Variants in MYL6 observed in about 807,000 individuals in gnomAD.
MYL6 encodes myosin light polypeptide 6.
MYL6 carries 20 observed loss-of-function variants against 20.3 expected under a neutral mutation model. The ratio of observed to expected loss-of-function variants is 0.98; its 90% CI spans 0.69 to 1.43. MYL6 has a LOEUF of 1.43. Among genes scored for constraint, MYL6 ranks in the 40% most tolerant of loss-of-function variants. The pLI, the probability that MYL6 is intolerant of heterozygous loss-of-function variation, is 0.00. For synonymous variants in MYL6, 77 were observed against 72.4 expected, an observed-to-expected ratio of 1.06 and a Z score of -0.32; for missense variants, 164 against 191.0, an observed-to-expected ratio of 0.86 and a Z score of 0.83.
chr12:56,159,341 C>T (rs1592260155), intron 2 of MYL6: 3 of 475,316 alleles, frequency 6.3e-6, no homozygotes, highest in Non-Finnish European at 1.1e-5. Context: ...GATTGGCAGG[C>T]CTGCCGCAGG....
rs147680006 is a variant in MYL6 at position 56,160,629 on chromosome 12, T to G, written c.431T>G (p.Phe144Cys). 36 of 1,614,214 alleles carry G rather than the reference T, an allele frequency of 2.2e-5. No homozygotes were observed. In the South Asian group the frequency reaches 3.2e-4, roughly 14 times the overall value. ...GAATGTCTCTTCCTTCCTGCAGCGT[T>G]TGTGAGGCATATCCTGTCGGGGTGA... ...DSNGCINYEA[F>C]VRHILSG Residue 144 changes from phenylalanine to cysteine, a missense_variant, in exon 6 of 7, where the codon TTT becomes TGT. Phe to Cys is a radical substitution (Grantham distance 205, BLOSUM62 -2). Transcript: ENST00000550697.
At chr12:56,160,850 C>T in intron 6 of MYL6, 180 bp downstream of exon 6, 1 of 665,858 alleles carries the variant, frequency 1.5e-6, no homozygotes, top group Non-Finnish European at 2.6e-6. Context: ...CCTGGGGGTA[C>T]AGTACCTCCT....
Position 56,159,664 on chromosome 12 carries a change from A to G in MYL6, c.109A>G (p.Arg37Gly). The G allele has an allele frequency of 6.2e-7, 1 of 1,614,182 alleles. No individual in the cohort carries two copies. The highest frequency in any genetic ancestry group is 8.5e-7 in the Non-Finnish European group (1 of 1,180,018). Residue 37 changes from arginine (R) to glycine (G), a missense_variant, in exon 3 of 7, where the codon AGG becomes GGG. Transcript: ENST00000550697. The stretch of plus-strand genomic sequence containing the variant: ...GTACAGCCAGTGTGGGGATGTGATG[A>G]GGGCCCTGGGCCAGAACCCTACCAA... ...ILYSQCGDVM[R>G]ALGQNPTNAE... is the part of the protein sequence containing the mutation.
intron 6 of MYL6, chr12:56,161,116 C>A (rs928660296): frequency 3.4e-5 from 20 of 593,764 alleles, no homozygotes; most frequent in Middle Eastern, 4.5e-4. Flanking sequence ...CAGTGGCTGA[C>A]AGTAGCTGTA....
intron 1 of MYL6, 121 bp from the exon 2 acceptor site, chr12:56,158,563 A>C: frequency 3.1e-6 from 5 of 1,613,668 alleles, no homozygotes; most frequent in Non-Finnish European, 4.2e-6. Context: ...CGGGGAAGCG[A>C]GTCTGCAGCC....
chr12:56,160,312 A>G lies in MYL6; in HGVS notation c.419A>G (p.Asn140Ser). Reference protein sequence around the residue: ...AGHEDSNGCINYEAFVRHILS... With the variant: ...AGHEDSNGCISYEAFVRHILS... ...CATGAGGACAGCAATGGTTGTATCA[A>G]CTATGAAGGTAAGAGGTGAACTGCG... The change falls in exon 5 of 7, where the codon AAC becomes AGC. Residue 140 changes from asparagine (N) to serine (S), a missense_variant. Asn to Ser is a conservative substitution (Grantham distance 46). Transcript: ENST00000550697. 1 of 1,614,240 alleles carries G rather than the reference A, an allele frequency of 6.2e-7. No homozygotes were observed. The highest frequency in any genetic ancestry group is 8.5e-7 in the Non-Finnish European group (1 of 1,180,046).
rs751547058 is a variant in MYL6 at position 56,158,676 on chromosome 12, C to G, written c.4-8C>G. 8.1e-6 allele frequency: 13 copies of G among 1,614,120 alleles called. No individual in the cohort carries two copies. The South Asian group carries it at 1.4e-4, about 18-fold the overall frequency. On this transcript the variant is annotated splice_polypyrimidine_tract_variant and splice_region_variant and intron_variant, in intron 1 of 6. Transcript: ENST00000550697. ...CAGATGCTGACCACTTCCCTCTTCTCTGAGCAGTGTGACTTCACCGAAGAC... is the reference window on the plus strand; with the variant it reads ...CAGATGCTGACCACTTCCCTCTTCTGTGAGCAGTGTGACTTCACCGAAGAC...
rs1871551129 is a variant in MYL6 at position 56,159,306 on chromosome 12, TGAGAA to T, written c.32-279_32-275del. Reference sequence around the variant, plus strand: ...ACTGGGCGGTGGCGAATTCCTGCCCTGAGAAGTGTAGTAGCAGCAGTGGAGATTGG... The same window carrying T: ...ACTGGGCGGTGGCGAATTCCTGCCCTGTGTAGTAGCAGCAGTGGAGATTGG... On this transcript the variant is annotated intron_variant, in intron 2 of 6. Transcript: ENST00000550697. 6 of 409,606 alleles carry T rather than the reference TGAGAA, an allele frequency of 1.5e-5. No individual in the cohort carries two copies. The East Asian group carries it at 2.7e-4, about 19-fold the overall frequency. The allele number at this position is 409,606 out of a possible 1,614,324, so 25.4% of individuals were successfully genotyped here. A position where few individuals can be genotyped will look rare whatever the true frequency, so the allele number is the denominator to read the frequency against.
At chr12:56,158,798 A>G in intron 2 of MYL6, 87 bp downstream of exon 2, 1 of 1,590,976 alleles carries the variant, frequency 6.3e-7, no homozygotes, top group East Asian at 2.2e-5. Flanking sequence ...TTAATCTGTC[A>G]TCTCTTTAGC....
Position 56,158,364 on chromosome 12 carries a change from T to C in MYL6, c.-38T>C. 6.6e-7 allele frequency: 1 copy of C among 1,516,460 alleles called. No homozygotes were observed. The highest frequency in any genetic ancestry group is 1.3e-5 in the South Asian group (1 of 74,716). 93.9% of individuals were successfully genotyped at this position (1,516,460 alleles called of 1,614,324 possible). ...GGGTTGGGCCGAGAGTCGGAGCCAT[T>C]ACTGCAGGAAAAGGTCCCGGAGAGC... is the stretch of plus-strand genomic sequence containing the variant. On this transcript the variant is annotated 5_prime_UTR_variant, in exon 1 of 7. Transcript: ENST00000550697.
intron 5 of MYL6, 127 bp downstream of exon 5, chr12:56,160,447 TGCCCA>T (rs1239872007): frequency 4.1e-6 from 6 of 1,467,484 alleles, no homozygotes; most frequent in South Asian, 3.4e-5. Flanking sequence ...TGCAGGGCCC[TGCCCA>T]GCCCAGCCCA....
At chr12:56,159,069 TC>T in intron 2 of MYL6, 1 of 557,454 alleles carries the variant, frequency 1.8e-6, no homozygotes. Context: ...GTGATAACTG[TC>T]CCCGCCCTCC....
At chr12:56,159,073 C>T (rs1258880788) in intron 2 of MYL6, 2 of 547,576 alleles carry the variant, frequency 3.7e-6, no homozygotes, top group Non-Finnish European at 5.6e-6. Context: ...TAACTGTCCC[C>T]GCCCTCCCAG....
intron 2 of MYL6, chr12:56,159,027 T>G: frequency 1.0e-6 from 1 of 1,003,660 alleles, no homozygotes; most frequent in African/African-American, 1.7e-5. Context: ...CTTTGTCCTT[T>G]AATCAGCTAC....
At position 56,158,448 on chromosome 12, in the gene MYL6, G is replaced by A. The variant is rs113580787; in HGVS notation, c.3+44G>A. 5.2e-6 allele frequency: 8 copies of A among 1,552,760 alleles called. No homozygotes were observed. In the East Asian group the frequency reaches 1.3e-4, roughly 26 times the overall value. ...GAGACGGGCAGGATTGGGGACGAGA[G>A]GCAGGAAGAGACGGGTGGGGGGCGA... On this transcript the variant is annotated intron_variant, in intron 1 of 6. Coordinates refer to ENST00000550697, the MANE Select transcript of MYL6 (RefSeq NM_021019.5).
chr12:56,161,508 T>G lies in MYL6; in HGVS notation c.*138T>G. The stretch of plus-strand genomic sequence containing the variant: ...CCCTAGGCTTTCTTGTCTCAGCAAC[T>G]TTCCCATCTTGTCTCTCTTGGATGA... On this transcript the variant is annotated 3_prime_UTR_variant, in exon 7 of 7. Coordinates refer to ENST00000550697, the MANE Select transcript of MYL6 (RefSeq NM_021019.5). 6.9e-7 allele frequency: 1 copy of G among 1,449,976 alleles called. No homozygotes were observed. The highest frequency in any genetic ancestry group is 9.7e-7 in the Non-Finnish European group (1 of 1,033,096). 89.8% of individuals were successfully genotyped at this position (1,449,976 alleles called of 1,614,324 possible).
In MYL6 at chr12:56,159,712, G is replaced by A; in HGVS notation, c.157G>A (p.Gly53Arg). 6.2e-7 allele frequency: 1 copy of A among 1,614,128 alleles called. No individual in the cohort carries two copies. Among genetic ancestry groups the A allele is most frequent in the South Asian group, 1.1e-5 (1 of 91,072 alleles). Residue 53 changes from glycine (G) to arginine (R), a missense_variant, in exon 3 of 7, where the codon GGG (glycine) becomes AGG (arginine). Physicochemically the swap from Gly to Arg is moderately radical, Grantham distance 125. Coordinates refer to ENST00000550697, the MANE Select transcript of MYL6 (RefSeq NM_021019.5). ...CAACGCCGAGGTGCTCAAGGTCCTGGGGAACCCCAAGAGTGATGGTGAGGG... is the reference window on the plus strand; with the variant it reads ...CAACGCCGAGGTGCTCAAGGTCCTGAGGAACCCCAAGAGTGATGGTGAGGG... ...PTNAEVLKVL[G>R]NPKSDEMNVK...
intron 5 of MYL6, 39 bp from the exon 6 acceptor site, chr12:56,160,587 T>C (rs572596820): frequency 1.2e-6 from 2 of 1,611,308 alleles, no homozygotes; most frequent in Non-Finnish European, 1.7e-6. Flanking sequence ...CCCATGTCTT[T>C]GTCTTGTCTT....
At chr12:56,161,115 A>G in intron 6 of MYL6, 1 of 592,422 alleles carries the variant, frequency 1.7e-6, no homozygotes, top group Non-Finnish European at 3.0e-6. Flanking sequence ...CCAGTGGCTG[A>G]CAGTAGCTGT....
Sources: gnomAD v4.1 joint callset for allele counts on GRCh38, gnomAD v4.1.1 for gene constraint, MANE v1.5 for transcripts, NCBI Gene and HGNC (gene_info 2026-07-23, HGNC 2026-07-21) for gene names.